EFNA5: variants seen among roughly 807,000 people sequenced by gnomAD.
The protein encoded by EFNA5 is ephrin A5.
A neutral mutation model predicts 22.9 loss-of-function variants in EFNA5; 5 were observed. The ratio of observed to expected loss-of-function variants is 0.22; its 90% CI spans 0.11 to 0.46. EFNA5 has a LOEUF of 0.46. Ranked by LOEUF, EFNA5 falls within the 20% of genes least tolerant of loss-of-function variation. The probability of loss-of-function intolerance (pLI) is 0.99; values close to 1 mark genes in which losing one functional copy is unlikely to be tolerated. For missense variants in EFNA5, 237 were observed against 293.3 expected (o/e 0.81, Z 1.40); for synonymous variants, 113 against 112.2 (o/e 1.01, Z -0.04).
intron 1 of EFNA5, among the ~76,000 whole-genome samples, chr5:107,617,170 A>G (rs960296833): frequency 6.6e-6 from 1 of 151,450 alleles, no homozygotes; most frequent in Admixed American, 6.6e-5. Context: ...ATTTAAACCC[A>G]TAAAAAAACT....
chr5:107,669,184 G>A (rs553082615), intron 1 of EFNA5, among the ~76,000 whole-genome samples: 1 of 152,012 alleles, frequency 6.6e-6, no homozygotes, highest in South Asian at 2.1e-4. Context: ...GGCAGGCGGA[G>A]AGGGCCCGCA....
In EFNA5 at chr5:107,670,777, T is replaced by G; in HGVS notation, c.-164A>C. On this transcript the variant is annotated 5_prime_UTR_variant, in exon 1 of 5. Transcript: ENST00000333274. The stretch of plus-strand genomic sequence containing the variant: ...GAAAGGAAAGAGGCGCCCACCAAGC[T>G]GGGGAGGGGTAGGAGAGCGAGAAGA... 1.1e-6 allele frequency: 1 copy of G among 938,470 alleles called. No individual in the cohort carries two copies. The highest frequency in any genetic ancestry group is 1.6e-6 in the Non-Finnish European group (1 of 640,988). 58.1% of individuals were successfully genotyped at this position (938,470 alleles called of 1,614,324 possible).
intron 1 of EFNA5, among the ~76,000 whole-genome samples, chr5:107,451,524 G>T (rs1749560225): frequency 6.6e-6 from 1 of 152,080 alleles, no homozygotes; most frequent in Non-Finnish European, 1.5e-5. Flanking sequence ...TGTTTTGGAG[G>T]CAGAGAATAA....
At chr5:107,410,858 G>A (rs1436485970) in intron 2 of EFNA5, among the ~76,000 whole-genome samples, 2 of 152,134 alleles carry the variant, frequency 1.3e-5, no homozygotes, top group Non-Finnish European at 2.9e-5. Context: ...TGGCAGAAAT[G>A]AGACTTAACC....
intron 1 of EFNA5, among the ~76,000 whole-genome samples, chr5:107,480,006 C>A (rs890045444): frequency 7.2e-5 from 11 of 152,214 alleles, no homozygotes; most frequent in Non-Finnish European, 5.9e-5. Context: ...AATACCAAAA[C>A]TCAATTGAAA....
At chr5:107,649,174 T>C (rs1750682601) in intron 1 of EFNA5, among the ~76,000 whole-genome samples, 1 of 152,076 alleles carries the variant, frequency 6.6e-6, no homozygotes, top group Non-Finnish European at 1.5e-5. Flanking sequence ...TTCAATCACC[T>C]TGTAAAGATG....
At chr5:107,504,771 T>A (rs548641108) in intron 1 of EFNA5, among the ~76,000 whole-genome samples, 48 of 152,326 alleles carry the variant, frequency 3.2e-4, no homozygotes, top group African/African-American at 1.1e-3. Context: ...CTGGCACATG[T>A]TTGTGAAAGT....
chr5:107,387,645 G>C (rs1747663676), intron 3 of EFNA5, 61 bp downstream of exon 3: 1 of 1,266,576 alleles, frequency 7.9e-7, no homozygotes, highest in Non-Finnish European at 1.1e-6. Context: ...CCGTGAACCA[G>C]ACCACACAAT....
chr5:107,416,620 C>T (rs563467436), intron 2 of EFNA5, among the ~76,000 whole-genome samples: 50 of 152,130 alleles, frequency 3.3e-4, no homozygotes, highest in African/African-American at 1.1e-3. Context: ...CAAGTGTTAC[C>T]GGAGGAGTTA....
At chr5:107,602,859 A>C (rs1749629375) in intron 1 of EFNA5, among the ~76,000 whole-genome samples, 1 of 152,164 alleles carries the variant, frequency 6.6e-6, no homozygotes, top group Non-Finnish European at 1.5e-5. Flanking sequence ...AATACTAATT[A>C]GAAGAGCACA....
intron 1 of EFNA5, among the ~76,000 whole-genome samples, chr5:107,578,936 T>C (rs979680835): frequency 1.3e-5 from 2 of 152,206 alleles, no homozygotes; most frequent in African/African-American, 4.8e-5. Context: ...CTTGATCACA[T>C]TTGTATTTAC....
At chr5:107,554,216 A>G (rs1397720853) in intron 1 of EFNA5, among the ~76,000 whole-genome samples, 1 of 152,232 alleles carries the variant, frequency 6.6e-6, no homozygotes, top group African/African-American at 2.4e-5. Flanking sequence ...TCACTGAGAC[A>G]TTTTATTTTT....
At chr5:107,618,499 CCT>C (rs1277527942) in intron 1 of EFNA5, among the ~76,000 whole-genome samples, 2 of 152,118 alleles carry the variant, frequency 1.3e-5, no homozygotes, top group Non-Finnish European at 2.9e-5. Context: ...ATAAGAAGTA[CCT>C]CTCAGCTTCA....
chr5:107,525,875 G>A (rs865949494), intron 1 of EFNA5, among the ~76,000 whole-genome samples: 12 of 152,134 alleles, frequency 7.9e-5, no homozygotes, highest in African/African-American at 2.9e-4. Context: ...AACCCATTTC[G>A]GTCAAGTGTC....
intron 1 of EFNA5, among the ~76,000 whole-genome samples, chr5:107,460,839 T>C (rs1010918874): frequency 1.3e-5 from 2 of 152,186 alleles, no homozygotes; most frequent in Admixed American, 6.5e-5. Context: ...AATATGCCTA[T>C]GTCATTAAAA....
chr5:107,439,658 G>A (rs1303366471), intron 1 of EFNA5, among the ~76,000 whole-genome samples: 2 of 152,002 alleles, frequency 1.3e-5, no homozygotes, highest in African/African-American at 2.4e-5. Context: ...GCTCTGAGGC[G>A]AGAAGGCACA....
At position 107,591,875 on chromosome 5, in the gene EFNA5, ATATATAATATATATAT is replaced by A. The variant is rs1409659216; in HGVS notation, c.125+78598_125+78613del. On this transcript the variant is annotated intron_variant, in intron 1 of 4. Coordinates refer to ENST00000333274, the MANE Select transcript of EFNA5 (RefSeq NM_001962.3). ...ATATAATATAAAAAATATATATATA[ATATATAATATATATAT>A]TATATATAATATATAATATAAAAAA... Among the ~76,000 whole-genome samples, 21 of 36,266 alleles carry A rather than the reference ATATATAATATATATAT, an allele frequency of 5.8e-4. 1 individual carries two copies. Among genetic ancestry groups the A allele is most frequent in the African/African-American group, 3.3e-3 (17 of 5,092 alleles). 23.8% of individuals were successfully genotyped at this position (36,266 alleles called of 152,430 possible). A position where few individuals can be genotyped will look rare whatever the true frequency, so the allele number is the denominator to read the frequency against.
At chr5:107,515,502 C>T (rs1477312759) in intron 1 of EFNA5, among the ~76,000 whole-genome samples, 1 of 151,704 alleles carries the variant, frequency 6.6e-6, no homozygotes, top group Non-Finnish European at 1.5e-5. Context: ...CCTCAGCCTC[C>T]CTAGTAGCTG....
At chr5:107,460,772 T>C (rs549863524) in intron 1 of EFNA5, among the ~76,000 whole-genome samples, 1 of 152,318 alleles carries the variant, frequency 6.6e-6, no homozygotes, top group Admixed American at 6.5e-5. Context: ...TGCTAATCAA[T>C]TTCAAATTCC....
Sources: gnomAD v4.1 joint callset for allele counts (sites outside exome capture counted in the v4.1 genomes callset) on GRCh38, gnomAD v4.1.1 for gene constraint, MANE v1.5 for transcripts, NCBI Gene and HGNC (gene_info 2026-07-23, HGNC 2026-07-21) for gene names.